Variants in F13A1 observed in about 807,000 individuals in gnomAD.
F13A1 encodes the protein FSF, A subunit.
A neutral mutation model predicts 80.1 loss-of-function variants in F13A1; 47 were observed. The observed-to-expected ratio is 0.59, with a 90% CI of 0.46 to 0.75. The LOEUF (loss-of-function observed/expected upper bound fraction) is 0.75. Ranked by LOEUF, F13A1 falls within the 30% of genes least tolerant of loss-of-function variation. The pLI, the probability that F13A1 is intolerant of heterozygous loss-of-function variation, is 0.00. For missense variants in F13A1, 817 were observed against 930.4 expected, an observed-to-expected ratio of 0.88 and a Z score of 1.59; for synonymous variants, 349 against 344.9, an observed-to-expected ratio of 1.01 and a Z score of -0.13.
intron 3 of F13A1, 167 bp downstream of exon 3, chr6:6,305,184 T>C: frequency 3.9e-6 from 3 of 778,750 alleles, no homozygotes; most frequent in Non-Finnish European, 6.7e-6. Flanking sequence ...TATTTGGCAC[T>C]ATACAGACCA....
chr6:6,193,835 T>C (rs867959149), intron 10 of F13A1, among the ~76,000 whole-genome samples: 3 of 152,086 alleles, frequency 2.0e-5, no homozygotes, highest in Admixed American at 2.0e-4. Context: ...TCATAAACTA[T>C]CAAATGACAG....
chr6:6,253,525 C>T (rs576107166), intron 4 of F13A1, among the ~76,000 whole-genome samples: 41 of 152,218 alleles, frequency 2.7e-4, no homozygotes, highest in Non-Finnish European at 2.9e-4. Context: ...AGAGGGTCTC[C>T]GGAGCTCTCA....
chr6:6,147,161 G>A (rs906831392), intron 14 of F13A1, among the ~76,000 whole-genome samples: 1 of 152,216 alleles, frequency 6.6e-6, no homozygotes. Flanking sequence ...GGACTCAGGG[G>A]AAAGGTGGGA....
At chr6:6,172,508 C>T (rs554496765) in intron 12 of F13A1, among the ~76,000 whole-genome samples, 77 of 151,116 alleles carry the variant, frequency 5.1e-4, no homozygotes, top group South Asian at 4.4e-3. Context: ...TGCAGTGGCA[C>T]GATCTTGGCT....
chr6:6,308,634 G>A (rs1742935), intron 2 of F13A1, among the ~76,000 whole-genome samples: 78,324 of 128,112 alleles, frequency 0.61, 25,100 homozygotes, highest in East Asian at 0.88. Flanking sequence ...TTTTTTTGAG[G>A]CAGAGTCCTG....
chr6:6,211,258 T>C (rs1289293169), intron 8 of F13A1, among the ~76,000 whole-genome samples: 1 of 152,260 alleles, frequency 6.6e-6, no homozygotes. Context: ...TCTTATTCTT[T>C]GAAGGTGGCA....
At chr6:6,203,583 T>G (rs1214539979) in intron 8 of F13A1, among the ~76,000 whole-genome samples, 1 of 152,088 alleles carries the variant, frequency 6.6e-6, no homozygotes, top group Non-Finnish European at 1.5e-5. Context: ...CTCAATGAAT[T>G]TGGAAGAGGA....
chr6:6,192,575 C>CA (rs1293231438), intron 10 of F13A1, among the ~76,000 whole-genome samples: 7 of 151,692 alleles, frequency 4.6e-5, no homozygotes, highest in African/African-American at 1.2e-4. Context: ...TAGGAGATGC[C>CA]AAAAAAATAG....
At position 6,145,747 on chromosome 6, in the gene F13A1, G is replaced by T; in HGVS notation, c.2071C>A (p.Gln691Lys). 1.2e-6 allele frequency: 2 copies of T among 1,614,064 alleles called. No homozygotes were observed. Among genetic ancestry groups the T allele is most frequent in the Non-Finnish European group, 1.7e-6 (2 of 1,179,992 alleles). The stretch of plus-strand genomic sequence containing the variant: ...CAGGGCCGGCACACTTCTTCCCACT[G>T]CACGGTGGAGTTGGGCCGGATTTCA... The part of the protein sequence containing the change: ...FREIRPNSTV[Q>K]WEEVCRPWVS... Residue 691 changes from glutamine to lysine, a missense_variant, in exon 15 of 15, where the codon CAG (glutamine) becomes AAG (lysine). Transcript: ENST00000264870.
intron 11 of F13A1, among the ~76,000 whole-genome samples, chr6:6,175,687 T>G (rs1352526207): frequency 5.3e-5 from 8 of 152,208 alleles, no homozygotes; most frequent in Non-Finnish European, 1.2e-4. Context: ...ACACAAGGTT[T>G]CCCAAACTCA....
At chr6:6,280,449 T>C (rs1758045081) in intron 3 of F13A1, among the ~76,000 whole-genome samples, 1 of 152,194 alleles carries the variant, frequency 6.6e-6, no homozygotes. Context: ...TTGCATTTTG[T>C]TTATTCATAT....
Position 6,289,815 on chromosome 6 carries a change from AT to A in F13A1, c.319+15535del, listed in dbSNP as rs35899540. ...ATGTCATGCTCCACTGAACTTTTCTATTTTTTTTTTTCTAGAATGTATACAA... is the reference window on the plus strand; with the variant it reads ...ATGTCATGCTCCACTGAACTTTTCTATTTTTTTTTTCTAGAATGTATACAA... On this transcript the variant is annotated intron_variant, in intron 3 of 14. Transcript: ENST00000264870. Among the ~76,000 whole-genome samples, 358 of 147,776 alleles carry A rather than the reference AT, an allele frequency of 2.4e-3. 1 individual carries two copies. The highest frequency in any genetic ancestry group is 3.4e-3 in the Non-Finnish European group (229 of 66,556).
intron 13 of F13A1, among the ~76,000 whole-genome samples, chr6:6,159,982 T>C (rs143147031): frequency 5.0e-4 from 76 of 152,060 alleles, no homozygotes; most frequent in African/African-American, 1.7e-3. Flanking sequence ...GCAACAAAAA[T>C]GTTCTCACTG....
At chr6:6,240,330 T>C (rs1248419448) in intron 6 of F13A1, among the ~76,000 whole-genome samples, 2 of 152,062 alleles carry the variant, frequency 1.3e-5, no homozygotes, top group African/African-American at 4.8e-5. Flanking sequence ...GCTTTTACCA[T>C]AAGAGAAAAA....
At chr6:6,320,194 G>A (rs1355219256) in intron 1 of F13A1, among the ~76,000 whole-genome samples, 1 of 152,174 alleles carries the variant, frequency 6.6e-6, no homozygotes, top group African/African-American at 2.4e-5. Context: ...GGAGTGGGGA[G>A]CCAAGCCGGC....
At chr6:6,301,521 A>G (rs1051240664) in intron 3 of F13A1, among the ~76,000 whole-genome samples, 1 of 152,244 alleles carries the variant, frequency 6.6e-6, no homozygotes, top group Non-Finnish European at 1.5e-5. Context: ...CGCACACATC[A>G]TGGGTTCTGA....
chr6:6,149,391 G>A (rs537260091), intron 14 of F13A1, among the ~76,000 whole-genome samples: 55 of 152,288 alleles, frequency 3.6e-4, no homozygotes, highest in African/African-American at 1.2e-3. Flanking sequence ...GGACTGTTAC[G>A]GACTAAATGT....
At chr6:6,280,685 TGTG>T (rs1211357113) in intron 3 of F13A1, among the ~76,000 whole-genome samples, 1 of 152,196 alleles carries the variant, frequency 6.6e-6, no homozygotes, top group Admixed American at 6.5e-5. Context: ...AATGATGCCT[TGTG>T]GGGGAACACA....
intron 10 of F13A1, among the ~76,000 whole-genome samples, chr6:6,186,768 C>T (rs369813539): frequency 2.0e-5 from 3 of 151,728 alleles, no homozygotes; most frequent in Non-Finnish European, 4.4e-5. Flanking sequence ...AAGAAAGTCA[C>T]TGGTAGCTTG....
Sources: gnomAD v4.1 joint callset for allele counts (sites outside exome capture counted in the v4.1 genomes callset) on GRCh38, gnomAD v4.1.1 for gene constraint, MANE v1.5 for transcripts, NCBI Gene and HGNC (gene_info 2026-07-23, HGNC 2026-07-21) for gene names.